The following IPCEF1 variants were observed in gnomAD, a reference collection of about 807,000 sequenced individuals.
The protein encoded by IPCEF1 is interaction protein for cytohesin exchange factors 1.
Under a neutral mutation model 50.9 loss-of-function variants are expected in IPCEF1, and 31 were observed. That is an observed-to-expected ratio of 0.61 (90% CI 0.46 to 0.82). The LOEUF (loss-of-function observed/expected upper bound fraction) is 0.82, where lower values mean the gene tolerates loss of function less well. Among genes scored for constraint, IPCEF1 ranks in the 40% least tolerant of loss-of-function variants. IPCEF1 has a pLI of 0.00. For synonymous variants in IPCEF1, 181 were observed against 192.0 expected, an observed-to-expected ratio of 0.94 and a Z score of 0.47; for missense variants, 458 against 514.0, an observed-to-expected ratio of 0.89 and a Z score of 1.05.
rs1776919087 is a variant in IPCEF1, at chr6:154,199,782, A to T, written c.796T>A (p.Ser266Thr). ...HKALENSFVTSESGFLNSLSS... is the reference protein window; with the variant it reads ...HKALENSFVTTESGFLNSLSS... Reference sequence around the variant, plus strand: ...AAAGAGTTCAAAAATCCACTTTCTGATGTGACAAAACTGTTTTCCAGGGCC... The same window carrying T: ...AAAGAGTTCAAAAATCCACTTTCTGTTGTGACAAAACTGTTTTCCAGGGCC... Residue 266 changes from serine (S) to threonine (T), a missense_variant, in exon 10 of 12, where the codon TCA (serine) becomes ACA (threonine). Transcript: ENST00000367220. 1.2e-6 allele frequency: 2 copies of T among 1,614,116 alleles called. No homozygotes were observed. Among genetic ancestry groups the T allele is most frequent in the Non-Finnish European group, 1.7e-6 (2 of 1,180,052 alleles).
At chr6:154,246,000 G>A (rs973949091) in intron 5 of IPCEF1, among the ~76,000 whole-genome samples, 8 of 152,180 alleles carry the variant, frequency 5.3e-5, no homozygotes, top group East Asian at 1.9e-4. Flanking sequence ...GTCTAAGCAC[G>A]ACTAGTTTAA....
At chr6:154,336,485 G>A (rs1783790079) in intron 1 of IPCEF1, among the ~76,000 whole-genome samples, 1 of 152,230 alleles carries the variant, frequency 6.6e-6, no homozygotes, top group African/African-American at 2.4e-5. Context: ...CGTGGAGATA[G>A]AGAGTAGAAT....
chr6:154,289,385 T>C (rs1782453655), intron 2 of IPCEF1, among the ~76,000 whole-genome samples: 1 of 144,718 alleles, frequency 6.9e-6, no homozygotes, highest in Admixed American at 6.8e-5. Context: ...GCTTGTAAAA[T>C]AGACTCTTCA....
At chr6:154,184,786 G>C (rs2128572923) in intron 10 of IPCEF1, among the ~76,000 whole-genome samples, 1 of 152,190 alleles carries the variant, frequency 6.6e-6, no homozygotes, top group South Asian at 2.1e-4. Context: ...TCCAGATTGA[G>C]ATTTTATCAA....
At chr6:154,340,934 T>C (rs1372651843) in intron 1 of IPCEF1, among the ~76,000 whole-genome samples, 1 of 151,476 alleles carries the variant, frequency 6.6e-6, no homozygotes, top group Non-Finnish European at 1.5e-5. Flanking sequence ...TGTGTGTGTG[T>C]GTGTATGTAC....
intron 1 of IPCEF1, among the ~76,000 whole-genome samples, chr6:154,339,261 GT>G (rs1783853178): frequency 6.6e-6 from 1 of 151,940 alleles, no homozygotes; most frequent in Admixed American, 6.6e-5. Context: ...ATAAAAGTGT[GT>G]TAACCCCTAA....
At chr6:154,214,146 T>C in intron 8 of IPCEF1, 72 bp downstream of exon 8, 2 of 982,570 alleles carry the variant, frequency 2.0e-6, no homozygotes, top group Non-Finnish European at 1.7e-6. Flanking sequence ...GAACTTGACA[T>C]TGTTTTTTCA....
intron 5 of IPCEF1, among the ~76,000 whole-genome samples, chr6:154,242,902 A>AAAAG (rs1554298190): frequency 1.5e-5 from 2 of 129,774 alleles, no homozygotes; most frequent in Non-Finnish European, 3.4e-5. Flanking sequence ...AAAAGAAAAG[A>AAAAG]AAAGTATAGG....
At chr6:154,223,617 G>A (rs1779033892) in intron 5 of IPCEF1, among the ~76,000 whole-genome samples, 1 of 152,184 alleles carries the variant, frequency 6.6e-6, no homozygotes. Context: ...TACGACTCTA[G>A]TCAGCTAGCA....
intron 5 of IPCEF1, among the ~76,000 whole-genome samples, chr6:154,244,528 G>A (rs560558940): frequency 2.0e-5 from 3 of 152,194 alleles, no homozygotes; most frequent in Non-Finnish European, 4.4e-5. Flanking sequence ...TGCCATGAAA[G>A]CAAGCCAGGG....
intron 3 of IPCEF1, among the ~76,000 whole-genome samples, chr6:154,250,070 G>A (rs1261914684): frequency 6.6e-6 from 1 of 152,078 alleles, no homozygotes; most frequent in Non-Finnish European, 1.5e-5. Flanking sequence ...CAAATTCAGG[G>A]AGTTTCAGTT....
chr6:154,214,424 C>G, intron 7 of IPCEF1, 148 bp from the exon 8 acceptor site: 1 of 676,360 alleles, frequency 1.5e-6, no homozygotes, highest in Non-Finnish European at 2.7e-6. Flanking sequence ...GCCATCGAAA[C>G]CTAAGGCCTC....
intron 10 of IPCEF1, among the ~76,000 whole-genome samples, chr6:154,171,576 T>C (rs1422925839): frequency 6.6e-6 from 1 of 152,178 alleles, no homozygotes; most frequent in African/African-American, 2.4e-5. Flanking sequence ...CCAAATATAC[T>C]AAAAACCAAT....
intron 1 of IPCEF1, among the ~76,000 whole-genome samples, chr6:154,331,432 AG>A (rs1783670223): frequency 6.6e-6 from 1 of 150,656 alleles, no homozygotes; most frequent in South Asian, 2.1e-4. Context: ...AGAGAGAGAG[AG>A]AAAGAAAGAG....
chr6:154,202,332 C>T (rs1331722463), intron 9 of IPCEF1, among the ~76,000 whole-genome samples: 2 of 152,080 alleles, frequency 1.3e-5, no homozygotes, highest in Non-Finnish European at 2.9e-5. Flanking sequence ...ACCAAGAGAT[C>T]AAAGACCTAT....
intron 7 of IPCEF1, among the ~76,000 whole-genome samples, chr6:154,219,586 A>G (rs374279409): frequency 6.6e-6 from 1 of 152,142 alleles, no homozygotes; most frequent in Non-Finnish European, 1.5e-5. Context: ...TCCACATCCC[A>G]CTTACACAGC....
At chr6:154,226,430 A>AT (rs1779257671) in intron 5 of IPCEF1, among the ~76,000 whole-genome samples, 1 of 152,012 alleles carries the variant, frequency 6.6e-6, no homozygotes, top group African/African-American at 2.4e-5. Context: ...TCAGTGAATA[A>AT]TATCACTTTC....
intron 2 of IPCEF1, among the ~76,000 whole-genome samples, chr6:154,274,576 G>T (rs1466350973): frequency 1.3e-5 from 2 of 152,220 alleles, no homozygotes; most frequent in Non-Finnish European, 1.5e-5. Flanking sequence ...CCTACCAAAT[G>T]CCAATGGCTA....
chr6:154,317,288 G>A (rs538495110), intron 1 of IPCEF1, among the ~76,000 whole-genome samples: 5 of 151,974 alleles, frequency 3.3e-5, no homozygotes, highest in Non-Finnish European at 5.9e-5. Context: ...AATGGCTCAC[G>A]CTTGTAATCC....
Sources: gnomAD v4.1 joint callset for allele counts (sites outside exome capture counted in the v4.1 genomes callset) on GRCh38, gnomAD v4.1.1 for gene constraint, MANE v1.5 for transcripts, NCBI Gene and HGNC (gene_info 2026-07-23, HGNC 2026-07-21) for gene names.